Variants in FGD4 observed in about 807,000 individuals in gnomAD.
The protein encoded by FGD4 is FYVE, RhoGEF and PH domain containing 4, also known as FYVE, RhoGEF and PH domain-containing protein 4.
In FGD4, 42 loss-of-function variants were observed where a neutral mutation model predicts 102.0. That is an observed-to-expected ratio of 0.41 (90% CI 0.32 to 0.53). The LOEUF is 0.53. Among genes scored for constraint, FGD4 ranks in the 20% least tolerant of loss-of-function variants. The pLI is 0.21. For synonymous variants in FGD4, 380 were observed against 375.7 expected, an observed-to-expected ratio of 1.01 and a Z score of -0.13; for missense variants, 902 against 1,078.2, an observed-to-expected ratio of 0.84 and a Z score of 2.29.
At chr12:32,535,029 A>T (rs1047224881) in intron 1 of FGD4, among the ~76,000 whole-genome samples, 1 of 152,196 alleles carries the variant, frequency 6.6e-6, no homozygotes, top group Non-Finnish European at 1.5e-5. Flanking sequence ...TTTGTTTTTT[A>T]AAAATTGTTA....
chr12:32,433,840 C>CTTAT (rs942008154), intron 1 of FGD4, among the ~76,000 whole-genome samples: 24 of 151,518 alleles, frequency 1.6e-4, no homozygotes, highest in Non-Finnish European at 2.2e-4. Flanking sequence ...AATATATTTA[C>CTTAT]TTATTTATTT....
At chr12:32,432,670 C>T (rs1942093185) in intron 1 of FGD4, among the ~76,000 whole-genome samples, 1 of 150,920 alleles carries the variant, frequency 6.6e-6, no homozygotes, top group South Asian at 2.1e-4. Flanking sequence ...GCATTATATA[C>T]AGAGAAGGGT....
rs1208010971 is a variant in FGD4, at chr12:32,619,844, A to G, written c.1896A>G (p.Lys632=). The G allele has an allele frequency of 4.3e-6, 7 of 1,614,088 alleles. No homozygotes were observed. The highest frequency in any genetic ancestry group is 4.2e-6 in the Non-Finnish European group (5 of 1,179,940). Residue 632 remains lysine, a synonymous_variant, in exon 11 of 17, where the codon AAA becomes AAG. Transcript: ENST00000534526. The part of the protein sequence containing the change: ...EYPHTFQVSG[K]ERTLELQASS... ...CACATACTTTCCAGGTGTCTGGGAAAGAGAGAACACTGGAACTGCAGGCCA... is the reference window on the plus strand; with the variant it reads ...CACATACTTTCCAGGTGTCTGGGAAGGAGAGAACACTGGAACTGCAGGCCA...
intron 1 of FGD4, among the ~76,000 whole-genome samples, chr12:32,401,931 C>T (rs1204168901): frequency 7.5e-6 from 1 of 133,184 alleles, no homozygotes; most frequent in South Asian, 2.5e-4. Flanking sequence ...GAGACGGAGT[C>T]TGGCTCTGTC....
intron 1 of FGD4, among the ~76,000 whole-genome samples, chr12:32,422,998 G>A (rs899202581): frequency 5.9e-5 from 9 of 152,112 alleles, no homozygotes; most frequent in Admixed American, 2.6e-4. Context: ...GGGGAGTGAC[G>A]ATTTAAACCC....
intron 5 of FGD4, among the ~76,000 whole-genome samples, chr12:32,599,718 T>A (rs1948241691): frequency 1.3e-5 from 2 of 150,160 alleles, no homozygotes; most frequent in South Asian, 2.1e-4. Context: ...CCGGCTAATT[T>A]TTTCTGTCTT....
At chr12:32,408,881 T>G (rs1228890594) in intron 1 of FGD4, among the ~76,000 whole-genome samples, 1 of 152,196 alleles carries the variant, frequency 6.6e-6, no homozygotes, top group Non-Finnish European at 1.5e-5. Context: ...GTTCTTCAAC[T>G]TTCTTCCTCT....
chr12:32,563,927 TTGC>T (rs1431295914), intron 1 of FGD4, among the ~76,000 whole-genome samples: 2 of 148,916 alleles, frequency 1.3e-5, no homozygotes, highest in African/African-American at 2.5e-5. Context: ...GGCAGGGAGG[TTGC>T]AGTGAGCCGA....
intron 1 of FGD4, among the ~76,000 whole-genome samples, chr12:32,442,711 C>T (rs140244782): frequency 0.038 from 5,805 of 152,006 alleles, 173 homozygotes; most frequent in South Asian, 0.12. Context: ...GGCACACCAC[C>T]ACACCCAGCT....
At position 32,597,820 on chromosome 12, in the gene FGD4, C is replaced by T. The variant is rs566329884; in HGVS notation, c.1012-677C>T. Among the ~76,000 whole-genome samples, 3 of 152,296 alleles carry T rather than the reference C, an allele frequency of 2.0e-5. No individual in the cohort carries two copies. In the East Asian group the frequency reaches 5.8e-4, roughly 29 times the overall value. ...AACAATGAGTTGATACTTGTTGAAT[C>T]TCATTGATGGGCATGTGGGGGTTCA... On this transcript the variant is annotated intron_variant, in intron 4 of 16. Transcript: ENST00000534526.
intron 2 of FGD4, among the ~76,000 whole-genome samples, chr12:32,572,499 A>G (rs1945755385): frequency 6.6e-6 from 1 of 152,214 alleles, no homozygotes; most frequent in Non-Finnish European, 1.5e-5. Flanking sequence ...AAAAATCTAA[A>G]TAAATAAATA....
At chr12:32,498,353 A>G (rs1447892568) in intron 1 of FGD4, among the ~76,000 whole-genome samples, 1 of 152,112 alleles carries the variant, frequency 6.6e-6, no homozygotes, top group Admixed American at 6.5e-5. Context: ...ATATTTTTGC[A>G]AAGTCGAGGG....
chr12:32,419,005 C>CT (rs1233254375), intron 1 of FGD4, among the ~76,000 whole-genome samples: 1 of 152,162 alleles, frequency 6.6e-6, no homozygotes, highest in Non-Finnish European at 1.5e-5. Context: ...TCACCACTGG[C>CT]TTATGGGGGG....
rs556202111 is a variant in FGD4, at chr12:32,643,848, G to A, written c.*3315G>A. 6.6e-6 allele frequency: 1 copy of A among 152,016 alleles called. No homozygotes were observed. Among genetic ancestry groups the A allele is most frequent in the East Asian group, 1.9e-4 (1 of 5,190 alleles). 9.4% of individuals were successfully genotyped at this position (152,016 alleles called of 1,614,324 possible). A position where few individuals can be genotyped will look rare whatever the true frequency, so the allele number is the denominator to read the frequency against. On this transcript the variant is annotated 3_prime_UTR_variant, in exon 17 of 17. Transcript: ENST00000534526. ...TGTCCTTACTTTTTGGAAACAGGGT[G>A]GTTGCTTTTATTTGTTTTCTGGTTA...
intron 1 of FGD4, among the ~76,000 whole-genome samples, chr12:32,458,595 G>A (rs1943012956): frequency 6.6e-6 from 1 of 152,086 alleles, no homozygotes; most frequent in Non-Finnish European, 1.5e-5. Context: ...CCACTGAAAC[G>A]TGTTATGCAA....
At chr12:32,625,428 C>A (rs955086972) in intron 13 of FGD4, among the ~76,000 whole-genome samples, 2 of 151,824 alleles carry the variant, frequency 1.3e-5, no homozygotes, top group Non-Finnish European at 2.9e-5. Flanking sequence ...TGCCACCATG[C>A]CCAGCTAATT....
chr12:32,583,187 C>G (rs1382703378), intron 4 of FGD4, among the ~76,000 whole-genome samples: 1 of 152,014 alleles, frequency 6.6e-6, no homozygotes, highest in Non-Finnish European at 1.5e-5. Flanking sequence ...AATTTTAAAA[C>G]TTAGCAGAGC....
At position 32,534,761 on chromosome 12, in the gene FGD4, A is replaced by T. The variant is rs113994232; in HGVS notation, c.167-29376A>T. 4.9e-3 allele frequency among the ~76,000 whole-genome samples: 748 copies of T among 152,330 alleles called. 6 individuals are homozygous for T. Among genetic ancestry groups the T allele is most frequent in the African/African-American group, 0.016 (682 of 41,576 alleles). On this transcript the variant is annotated intron_variant, in intron 1 of 16. Transcript: ENST00000534526. The stretch of plus-strand genomic sequence containing the variant: ...TGGCTTATTTTTATTATCATAAGTA[A>T]AGTTTGGAAATTTGGTCATTGAGGG...
chr12:32,449,324 C>A (rs1274262183), intron 1 of FGD4, among the ~76,000 whole-genome samples: 1 of 152,206 alleles, frequency 6.6e-6, no homozygotes, highest in African/African-American at 2.4e-5. Context: ...ACCAGTTGCA[C>A]CAATAATGCC....
Sources: gnomAD v4.1 joint callset for allele counts (sites outside exome capture counted in the v4.1 genomes callset) on GRCh38, gnomAD v4.1.1 for gene constraint, MANE v1.5 for transcripts, NCBI Gene and HGNC (gene_info 2026-07-23, HGNC 2026-07-21) for gene names.